ATP11C: variants seen among roughly 807,000 people sequenced by gnomAD.
ATP11C encodes ATPase phospholipid transporting 11C (ATP11C blood group).
A neutral mutation model predicts 97.4 loss-of-function variants in ATP11C; 36 were observed. The observed-to-expected ratio is 0.37, with a 90% CI of 0.28 to 0.49. The LOEUF (loss-of-function observed/expected upper bound fraction) is 0.49. Ranked by LOEUF, ATP11C falls within the 20% of genes least tolerant of loss-of-function variation. The pLI, the probability that ATP11C is intolerant of heterozygous loss-of-function variation, is 0.98. For synonymous variants in ATP11C, 275 were observed against 290.9 expected (o/e 0.95, Z 0.56); for missense variants, 730 against 824.6 (o/e 0.89, Z 1.40).
At chrX:139,729,121 G>A (rs1028320460) in intron 29 of ATP11C, among the ~76,000 whole-genome samples, 159 bp from the exon 30 acceptor site, 4 of 111,893 alleles carry the variant, frequency 3.6e-5, no homozygotes, top group Admixed American at 9.5e-5. Flanking sequence ...GAAAAAAAGA[G>A]TGACACTATA....
At chrX:139,925,134 G>A (rs957820272) in intron 1 of ATP11C, among the ~76,000 whole-genome samples, 3 of 111,570 alleles carry the variant, frequency 2.7e-5, no homozygotes, top group Non-Finnish European at 5.6e-5. Context: ...AAATATTTCC[G>A]TGTTTACTAT....
chrX:139,870,741 T>A (rs1882980009), intron 1 of ATP11C, among the ~76,000 whole-genome samples: 1 of 112,294 alleles, frequency 8.9e-6, no homozygotes, highest in Non-Finnish European at 1.9e-5. Flanking sequence ...TATTAAGAAT[T>A]GTATGATTCT....
chrX:139,727,922 G>A lies in ATP11C; in HGVS notation c.*1044C>T, dbSNP rs886988053. 2.7e-5 allele frequency: 3 copies of A among 112,114 alleles called. No individual in the cohort carries two copies. The highest frequency in any genetic ancestry group is 9.5e-5 in the Admixed American group (1 of 10,558). The allele number at this position is 112,114 out of a possible 1,213,427, so 9.2% of individuals were successfully genotyped here. On this transcript the variant is annotated 3_prime_UTR_variant, in exon 30 of 30. Coordinates refer to ENST00000682941, the MANE Select transcript of ATP11C (RefSeq NM_001353812.2). ...TCATGGCTCTACAAGCTGAACCACC[G>A]TTTTGGGGTGGCTCCTTCCCCCTTT...
At chrX:139,895,498 G>A (rs1288999170) in intron 1 of ATP11C, among the ~76,000 whole-genome samples, 2 of 111,810 alleles carry the variant, frequency 1.8e-5, no homozygotes, top group Admixed American at 9.5e-5. Flanking sequence ...TTGAACTCCT[G>A]ACCTCAAGTG....
chrX:139,827,693 T>G (rs931141296), intron 1 of ATP11C, among the ~76,000 whole-genome samples: 1 of 111,594 alleles, frequency 9.0e-6, no homozygotes, highest in Non-Finnish European at 1.9e-5. Context: ...CATTTATATA[T>G]TCCCATTATT....
chrX:139,733,949 T>C (rs770153358), intron 28 of ATP11C, among the ~76,000 whole-genome samples: 13 of 111,307 alleles, frequency 1.2e-4, no homozygotes, highest in Non-Finnish European at 2.5e-4. Context: ...AAAATTGATA[T>C]AGCTAGCAAC....
intron 4 of ATP11C, among the ~76,000 whole-genome samples, chrX:139,816,478 TTAAAG>T (rs937410809): frequency 9.0e-6 from 1 of 111,627 alleles, no homozygotes; most frequent in Non-Finnish European, 1.9e-5. Context: ...AACAAGAAAA[TTAAAG>T]TATTCTTCCC....
chrX:139,779,300 C>A (rs770676636), intron 18 of ATP11C, among the ~76,000 whole-genome samples: 2 of 112,256 alleles, frequency 1.8e-5, no homozygotes, highest in Non-Finnish European at 3.8e-5. Context: ...CTCATCTGTG[C>A]ATGAACATTC....
chrX:139,783,166 T>C lies in ATP11C; in HGVS notation c.1768A>G (p.Met590Val). 2 of 1,191,324 alleles carry C rather than the reference T, an allele frequency of 1.7e-6. No homozygotes were observed. Among genetic ancestry groups the C allele is most frequent in the Non-Finnish European group, 2.3e-6 (2 of 878,332 alleles). Residue 590 changes from methionine (M) to valine (V), a missense_variant and splice_region_variant, in exon 17 of 30, where the codon ATG becomes GTG. Met to Val is a conservative substitution (Grantham distance 21). Transcript: ENST00000682941. ...LTKVHVERNA[M>V]DGYRTLCVAF... is the part of the protein sequence containing the mutation. Reference sequence around the variant, plus strand: ...TGGGGGAAGGAGTATAGGCTCACCATTGCATTACGTTCCACATGGACTTTA... The same window carrying C: ...TGGGGGAAGGAGTATAGGCTCACCACTGCATTACGTTCCACATGGACTTTA...
intron 1 of ATP11C, among the ~76,000 whole-genome samples, chrX:139,841,729 A>C (rs1363338619): frequency 8.9e-6 from 1 of 112,402 alleles, no homozygotes; most frequent in Non-Finnish European, 1.9e-5. Context: ...CCACTTATGA[A>C]ATTTTCTGGT....
intron 14 of ATP11C, 29 bp downstream of exon 14, chrX:139,788,163 T>A (rs747062331): frequency 4.4e-6 from 5 of 1,148,095 alleles, no homozygotes; most frequent in Non-Finnish European, 5.8e-6. Context: ...TTCACTTTCT[T>A]AGGAGAAGTA....
chrX:139,874,214 T>A (rs1396219574), intron 1 of ATP11C, among the ~76,000 whole-genome samples: 1 of 99,658 alleles, frequency 1.0e-5, no homozygotes, highest in Non-Finnish European at 2.0e-5. Flanking sequence ...GGCTAATTTT[T>A]TTTTTTTTTT....
chrX:139,800,020 C>G lies in ATP11C; in HGVS notation c.710+40G>C, dbSNP rs759726457. On this transcript the variant is annotated intron_variant, in intron 8 of 29. Transcript: ENST00000682941. Reference sequence around the variant, plus strand: ...GATTTAACAGAAAAATAGACCCCCCCCCCCAACCAAAGGACAAATTAAAGA... The same window carrying G: ...GATTTAACAGAAAAATAGACCCCCCGCCCCAACCAAAGGACAAATTAAAGA... The G allele has an allele frequency of 1.7e-3, 960 of 552,594 alleles. 24 individuals are homozygous for G. The African/African-American group carries it at 0.021, about 12-fold the overall frequency. 45.5% of individuals were successfully genotyped at this position (552,594 alleles called of 1,213,427 possible).
intron 6 of ATP11C, 60 bp from the exon 7 acceptor site, chrX:139,802,399 C>T: frequency 1.5e-6 from 1 of 679,287 alleles, no homozygotes; most frequent in South Asian, 3.0e-5. Flanking sequence ...TAATCATACA[C>T]CCAACTGATT....
chrX:139,750,178 G>A (rs188547981), intron 23 of ATP11C, 26 bp from the exon 24 acceptor site: 1 of 1,146,715 alleles, frequency 8.7e-7, no homozygotes, highest in East Asian at 3.0e-5. Context: ...ACAGAGGAAA[G>A]AAAGAAATTT....
intron 1 of ATP11C, among the ~76,000 whole-genome samples, chrX:139,882,412 G>A (rs189766964): frequency 3.6e-3 from 401 of 111,551 alleles, no homozygotes; most frequent in African/African-American, 0.012. Context: ...GAGCACAACT[G>A]ATTAAGGACC....
intron 1 of ATP11C, among the ~76,000 whole-genome samples, chrX:139,896,608 C>A (rs2084811939): frequency 1.0e-5 from 1 of 97,879 alleles, no homozygotes; most frequent in African/African-American, 4.0e-5. Flanking sequence ...TTTTCCCTTT[C>A]TTGAGAAAGA....
At chrX:139,751,605 T>A (rs1439186406) in intron 23 of ATP11C, among the ~76,000 whole-genome samples, 1 of 111,853 alleles carries the variant, frequency 8.9e-6, no homozygotes, top group East Asian at 2.8e-4. Flanking sequence ...AGTCTTGAAT[T>A]TCATTCAAAC....
Position 139,909,428 on chromosome X carries a change from C to T in ATP11C, c.27+22588G>A, listed in dbSNP as rs770794593. On this transcript the variant is annotated intron_variant, in intron 1 of 29. Coordinates refer to ENST00000682941, the MANE Select transcript of ATP11C (RefSeq NM_001353812.2). The stretch of plus-strand genomic sequence containing the variant: ...GATTACATGAGTGAGTTATTGCGCC[C>T]GGCCCACACTGTTTTTAAATAACAT... Among the ~76,000 whole-genome samples the T allele has an allele frequency of 1.1e-3, 121 of 111,271 alleles. 2 individuals are homozygous for T. The highest frequency in any genetic ancestry group is 1.1e-4 in the Non-Finnish European group (6 of 53,097).
Sources: gnomAD v4.1 joint callset for allele counts (sites outside exome capture counted in the v4.1 genomes callset) on GRCh38, gnomAD v4.1.1 for gene constraint, MANE v1.5 for transcripts, NCBI Gene and HGNC (gene_info 2026-07-23, HGNC 2026-07-21) for gene names.